The following MNAT1 variants were observed in gnomAD, a reference collection of about 807,000 sequenced individuals.
The protein encoded by MNAT1 is MNAT1 component of CDK activating kinase, also known as CDK-activating kinase assembly factor MAT1.
MNAT1 carries 43 observed loss-of-function variants against 42.0 expected under a neutral mutation model. The ratio of observed to expected loss-of-function variants is 1.02; its 90% CI spans 0.80 to 1.32. The LOEUF (loss-of-function observed/expected upper bound fraction) is 1.32. Among genes scored for constraint, MNAT1 ranks in the 40% most tolerant of loss-of-function variants. The pLI, the probability that MNAT1 is intolerant of heterozygous loss-of-function variation, is 0.00. For missense variants in MNAT1, 306 were observed against 350.4 expected (o/e 0.87, Z 1.01); for synonymous variants, 118 against 120.0 (o/e 0.98, Z 0.11).
chr14:60,781,945 GATTT>G (rs1388512412), intron 1 of MNAT1, among the ~76,000 whole-genome samples: 2 of 142,600 alleles, frequency 1.4e-5, no homozygotes, highest in Non-Finnish European at 3.1e-5. Flanking sequence ...TGTATGCATG[GATTT>G]TGTTTGTGTG....
Position 60,968,363 on chromosome 14 carries a change from T to C in MNAT1, c.*14T>C. ...CAGCCCAGTTAACCATTTATAAGATTTGGACCTTGGAGCTGAACCAGGGAG... is the reference window on the plus strand; with the variant it reads ...CAGCCCAGTTAACCATTTATAAGATCTGGACCTTGGAGCTGAACCAGGGAG... On this transcript the variant is annotated 3_prime_UTR_variant, in exon 8 of 8. Transcript: ENST00000261245. The C allele has an allele frequency of 2.5e-6, 4 of 1,605,852 alleles. No homozygotes were observed. Among genetic ancestry groups the C allele is most frequent in the Non-Finnish European group, 3.4e-6 (4 of 1,177,572 alleles).
rs186435274 is a variant in MNAT1, at chr14:60,750,647, A to T, written c.89+15696A>T. On this transcript the variant is annotated intron_variant, in intron 1 of 7. Transcript: ENST00000261245. ...TTTATTGTTAAATAAGCTATTTTTT[A>T]AAAAAATTACTATTTGCTAAAGAAA... is the stretch of plus-strand genomic sequence containing the variant. Among the ~76,000 whole-genome samples the T allele has an allele frequency of 2.5e-3, 366 of 148,666 alleles. 2 individuals are homozygous for T. Among genetic ancestry groups the T allele is most frequent in the African/African-American group, 7.6e-3 (306 of 40,122 alleles).
chr14:60,908,474 C>G (rs999900200), intron 7 of MNAT1, among the ~76,000 whole-genome samples: 9 of 151,704 alleles, frequency 5.9e-5, no homozygotes, highest in African/African-American at 1.9e-4. Context: ...CTCCCCCAAC[C>G]CCCCGACCCC....
intron 6 of MNAT1, among the ~76,000 whole-genome samples, chr14:60,868,675 T>A (rs2034257638): frequency 6.6e-6 from 1 of 152,310 alleles, no homozygotes; most frequent in East Asian, 1.9e-4. Context: ...GTTATATTTG[T>A]TGTATGAATG....
intron 6 of MNAT1, among the ~76,000 whole-genome samples, chr14:60,835,009 C>T (rs1407224870): frequency 6.9e-6 from 1 of 145,806 alleles, no homozygotes; most frequent in Non-Finnish European, 1.5e-5. Flanking sequence ...CCCTCCCTCC[C>T]TCTCTCTCTC....
chr14:60,912,765 C>T (rs1439415968), intron 7 of MNAT1, among the ~76,000 whole-genome samples: 2 of 152,284 alleles, frequency 1.3e-5, no homozygotes, highest in East Asian at 3.9e-4. Flanking sequence ...AACACTTTTT[C>T]CTTCATTTCA....
rs377391565 is a variant in MNAT1 at position 60,904,179 on chromosome 14, A to G, written c.809+24344A>G. 5.9e-5 allele frequency among the ~76,000 whole-genome samples: 9 copies of G among 152,280 alleles called. No homozygotes were observed. The South Asian group carries it at 1.7e-3, about 28-fold the overall frequency. ...GGCCACTGTGCCCGACCTTAAGTTT[A>G]TATGTTAGTTTTACAGAAAGTCTTG... On this transcript the variant is annotated intron_variant, in intron 7 of 7. Transcript: ENST00000261245.
chr14:60,928,213 A>G (rs1173622471), intron 7 of MNAT1, among the ~76,000 whole-genome samples: 2 of 152,144 alleles, frequency 1.3e-5, no homozygotes, highest in Non-Finnish European at 2.9e-5. Flanking sequence ...TTTATTGCTG[A>G]ATAATACTCC....
intron 6 of MNAT1, among the ~76,000 whole-genome samples, chr14:60,835,789 G>A (rs983485176): frequency 6.6e-6 from 1 of 152,162 alleles, no homozygotes; most frequent in Non-Finnish European, 1.5e-5. Context: ...TGCCTTGCTA[G>A]GTTGGGGAAG....
At chr14:60,853,424 A>T (rs2033874693) in intron 6 of MNAT1, among the ~76,000 whole-genome samples, 1 of 152,170 alleles carries the variant, frequency 6.6e-6, no homozygotes, top group South Asian at 2.1e-4. Context: ...GAAGTTGCTT[A>T]TCAGCTTAAG....
intron 6 of MNAT1, among the ~76,000 whole-genome samples, chr14:60,876,275 C>T (rs1369170978): frequency 2.0e-5 from 3 of 151,982 alleles, no homozygotes; most frequent in Middle Eastern, 3.2e-3. Flanking sequence ...TTTAGAAAGG[C>T]TGTGGAACAT....
At chr14:60,915,920 A>G (rs1320614595) in intron 7 of MNAT1, among the ~76,000 whole-genome samples, 1 of 152,216 alleles carries the variant, frequency 6.6e-6, no homozygotes, top group Non-Finnish European at 1.5e-5. Flanking sequence ...TACTGCATTC[A>G]TCGGTTCCCA....
intron 3 of MNAT1, among the ~76,000 whole-genome samples, chr14:60,803,730 C>G (rs748708428): frequency 6.6e-5 from 10 of 152,050 alleles, no homozygotes; most frequent in Non-Finnish European, 1.5e-4. Flanking sequence ...TAGGGTGCCT[C>G]AGAGGGTCAG....
intron 7 of MNAT1, among the ~76,000 whole-genome samples, chr14:60,960,624 C>T (rs191949160): frequency 3.0e-4 from 45 of 152,194 alleles, no homozygotes; most frequent in African/African-American, 1.1e-3. Context: ...CCCTTAATTG[C>T]TTCTCCAGTT....
intron 1 of MNAT1, among the ~76,000 whole-genome samples, chr14:60,790,594 A>G (rs2031787211): frequency 6.6e-6 from 1 of 152,204 alleles, no homozygotes; most frequent in South Asian, 2.1e-4. Context: ...GATTATCAAT[A>G]TAAAATGTAT....
chr14:60,783,447 C>T (rs1441703467), intron 1 of MNAT1, among the ~76,000 whole-genome samples: 1 of 152,170 alleles, frequency 6.6e-6, no homozygotes, highest in Non-Finnish European at 1.5e-5. Context: ...TTCAAAGTAG[C>T]ATATTCTCTT....
intron 7 of MNAT1, among the ~76,000 whole-genome samples, chr14:60,898,375 G>A (rs993730893): frequency 5.3e-5 from 8 of 151,854 alleles, no homozygotes; most frequent in Non-Finnish European, 8.8e-5. Context: ...ATACCAATTT[G>A]CATTCCCACC....
intron 7 of MNAT1, among the ~76,000 whole-genome samples, chr14:60,950,479 C>G (rs2036359981): frequency 6.6e-6 from 1 of 152,208 alleles, no homozygotes; most frequent in South Asian, 2.1e-4. Flanking sequence ...ACCCCAGTGA[C>G]TGATATATAC....
intron 5 of MNAT1, among the ~76,000 whole-genome samples, chr14:60,818,026 G>A (rs865836069): frequency 6.6e-6 from 1 of 151,852 alleles, no homozygotes; most frequent in South Asian, 2.1e-4. Context: ...ATATCATTTA[G>A]TTTAGACCTT....
Sources: allele counts gnomAD v4.1 joint callset (sites outside exome capture counted in the v4.1 genomes callset), GRCh38; gene constraint gnomAD v4.1.1; transcripts MANE v1.5; gene names NCBI Gene and HGNC (gene_info 2026-07-23, HGNC 2026-07-21).